The following NEGR1 variants were observed in gnomAD, a reference collection of about 807,000 sequenced individuals.
NEGR1 encodes the protein IgLON family member 4.
NEGR1 carries 10 observed loss-of-function variants against 40.9 expected under a neutral mutation model. The observed-to-expected ratio is 0.24, with a 90% CI of 0.15 to 0.42. The LOEUF (loss-of-function observed/expected upper bound fraction) is 0.42. Ranked by LOEUF, NEGR1 falls within the 10% of genes least tolerant of loss-of-function variation. The probability of loss-of-function intolerance (pLI) is 1.00; values close to 1 mark genes in which losing one functional copy is unlikely to be tolerated. For synonymous variants in NEGR1, 185 were observed against 166.8 expected (o/e 1.11, Z -0.84); for missense variants, 352 against 438.9 (o/e 0.80, Z 1.77).
At chr1:72,256,829 G>T (rs1655284161) in intron 1 of NEGR1, among the ~76,000 whole-genome samples, 1 of 152,114 alleles carries the variant, frequency 6.6e-6, no homozygotes. Flanking sequence ...ATGGTAAACA[G>T]AATAGCTTCT....
intron 1 of NEGR1, among the ~76,000 whole-genome samples, chr1:72,020,337 C>A (rs1373718428): frequency 4.6e-5 from 7 of 151,952 alleles, no homozygotes; most frequent in Non-Finnish European, 1.0e-4. Flanking sequence ...GATCTGGGAC[C>A]CAGGAAAGGG....
At chr1:72,191,843 T>G (rs1318147549) in intron 1 of NEGR1, among the ~76,000 whole-genome samples, 1 of 151,680 alleles carries the variant, frequency 6.6e-6, no homozygotes, top group Non-Finnish European at 1.5e-5. Flanking sequence ...ACAGGGTGGA[T>G]TGATCCAACA....
intron 2 of NEGR1, among the ~76,000 whole-genome samples, chr1:71,788,271 A>G (rs913888682): frequency 6.6e-6 from 1 of 152,164 alleles, no homozygotes; most frequent in Non-Finnish European, 1.5e-5. Flanking sequence ...GATTGGATTA[A>G]AAGATAACTT....
chr1:71,477,129 C>T (rs531516297), intron 6 of NEGR1, among the ~76,000 whole-genome samples: 66 of 152,030 alleles, frequency 4.3e-4, no homozygotes, highest in Non-Finnish European at 8.7e-4. Flanking sequence ...GATGAATATT[C>T]CACATATTTA....
At chr1:72,227,279 G>A (rs1654222566) in intron 1 of NEGR1, among the ~76,000 whole-genome samples, 1 of 152,030 alleles carries the variant, frequency 6.6e-6, no homozygotes, top group African/African-American at 2.4e-5. Flanking sequence ...CATCAAATAG[G>A]CGGTAGGGAA....
At chr1:71,872,576 C>T (rs570731587) in intron 2 of NEGR1, among the ~76,000 whole-genome samples, 4 of 152,252 alleles carry the variant, frequency 2.6e-5, no homozygotes, top group South Asian at 2.1e-4. Context: ...TCTCAGTGAC[C>T]ATCATGAGCA....
chr1:71,537,533 G>A, intron 6 of NEGR1, among the ~76,000 whole-genome samples: 1 of 151,572 alleles, frequency 6.6e-6, no homozygotes, highest in East Asian at 2.0e-4. Context: ...CTATCATAAT[G>A]GACTTTGCAG....
At chr1:71,999,367 G>C (rs1172286247) in intron 1 of NEGR1, among the ~76,000 whole-genome samples, 1 of 151,390 alleles carries the variant, frequency 6.6e-6, no homozygotes, top group Non-Finnish European at 1.5e-5. Context: ...TATTTTTCAA[G>C]GTAATTGAAA....
rs570816751 is a variant in NEGR1, at chr1:71,626,026, G to T, written c.668-14880C>A. ...ACTGTACATGTGAGGAATGTAAGCTGCATGCTCCTTATGAGAATCTAATGC... is the reference window on the plus strand; with the variant it reads ...ACTGTACATGTGAGGAATGTAAGCTTCATGCTCCTTATGAGAATCTAATGC... On this transcript the variant is annotated intron_variant, in intron 4 of 6. Transcript: ENST00000357731. 1.1e-3 allele frequency among the ~76,000 whole-genome samples: 162 copies of T among 151,880 alleles called. 1 individual carries two copies. Among genetic ancestry groups the T allele is most frequent in the African/African-American group, 3.8e-3 (158 of 41,452 alleles).
chr1:72,054,190 T>A (rs551080300), intron 1 of NEGR1, among the ~76,000 whole-genome samples: 1 of 151,406 alleles, frequency 6.6e-6, no homozygotes, highest in East Asian at 1.9e-4. Context: ...GAAAAGTAAA[T>A]CATCAGAGCT....
chr1:71,449,157 C>T (rs1230580519), intron 6 of NEGR1, among the ~76,000 whole-genome samples: 2 of 152,168 alleles, frequency 1.3e-5, no homozygotes, highest in Non-Finnish European at 2.9e-5. Flanking sequence ...TATCAGAATT[C>T]ATTTTCACTA....
intron 6 of NEGR1, among the ~76,000 whole-genome samples, chr1:71,535,631 T>C (rs1213915190): frequency 1.3e-5 from 2 of 151,632 alleles, no homozygotes; most frequent in African/African-American, 4.8e-5. Context: ...GAGAAGTTGG[T>C]TGAGTTGGAG....
intron 3 of NEGR1, among the ~76,000 whole-genome samples, chr1:71,700,084 T>C (rs1278992404): frequency 6.6e-6 from 1 of 151,952 alleles, no homozygotes; most frequent in Admixed American, 6.6e-5. Flanking sequence ...AATTTGACAT[T>C]TCGTTAGAGA....
rs149413984 is a variant in NEGR1, at chr1:72,251,729, C to T, written c.176+30590G>A. ...GTTTTTTTTCCAGATATTTTGGATC[C>T]ATGGTTGAATTTGCCAATGAGGAAC... On this transcript the variant is annotated intron_variant, in intron 1 of 6. Coordinates refer to ENST00000357731, the MANE Select transcript of NEGR1 (RefSeq NM_173808.3). Among the ~76,000 whole-genome samples the T allele has an allele frequency of 9.2e-5, 14 of 152,154 alleles. No individual in the cohort carries two copies. The East Asian group carries it at 2.7e-3, about 29-fold the overall frequency.
At chr1:71,756,995 C>G (rs1655767852) in intron 3 of NEGR1, among the ~76,000 whole-genome samples, 1 of 152,030 alleles carries the variant, frequency 6.6e-6, no homozygotes, top group South Asian at 2.1e-4. Flanking sequence ...ATAATATTCT[C>G]TATAAATTTC....
intron 1 of NEGR1, among the ~76,000 whole-genome samples, chr1:71,967,185 T>C (rs1646216992): frequency 6.6e-6 from 1 of 152,178 alleles, no homozygotes; most frequent in South Asian, 2.1e-4. Flanking sequence ...TATACTAAGA[T>C]GCACTTATGA....
At chr1:71,742,271 G>A (rs1460827318) in intron 3 of NEGR1, among the ~76,000 whole-genome samples, 1 of 152,096 alleles carries the variant, frequency 6.6e-6, no homozygotes, top group Non-Finnish European at 1.5e-5. Flanking sequence ...TCATGGTGGG[G>A]GCTCTTGGAG....
At chr1:72,091,449 A>C (rs1184396920) in intron 1 of NEGR1, among the ~76,000 whole-genome samples, 4 of 100,988 alleles carry the variant, frequency 4.0e-5, no homozygotes, top group Admixed American at 1.4e-4. Context: ...CCCTAACTCC[A>C]TCCCTAACTC....
chr1:72,171,856 TAAA>T (rs2100395568), intron 1 of NEGR1, among the ~76,000 whole-genome samples: 1 of 152,304 alleles, frequency 6.6e-6, no homozygotes, highest in South Asian at 2.1e-4. Context: ...ATAAAAATCT[TAAA>T]CTATTCCTTC....
Sources: allele counts gnomAD v4.1 joint callset (sites outside exome capture counted in the v4.1 genomes callset), GRCh38; gene constraint gnomAD v4.1.1; transcripts MANE v1.5; gene names NCBI Gene and HGNC (gene_info 2026-07-23, HGNC 2026-07-21).